TET3: variants seen among roughly 807,000 people sequenced by gnomAD.
TET3 encodes tet methylcytosine dioxygenase 3.
In TET3, 19 loss-of-function variants were observed where a neutral mutation model predicts 141.4. That is an observed-to-expected ratio of 0.13 (90% CI 0.09 to 0.20). The LOEUF (loss-of-function observed/expected upper bound fraction) is 0.20. Among genes scored for constraint, TET3 ranks in the 10% least tolerant of loss-of-function variants. The pLI, the probability that TET3 is intolerant of heterozygous loss-of-function variation, is 1.00. For missense variants in TET3, 1,874 were observed against 2,356.9 expected (o/e 0.80, Z 4.24); for synonymous variants, 1,043 against 980.9 (o/e 1.06, Z -1.18).
chr2:74,007,011 C>T (rs1287956131), intron 3 of TET3, among the ~76,000 whole-genome samples: 2 of 152,198 alleles, frequency 1.3e-5, no homozygotes, highest in Admixed American at 1.3e-4. Context: ...TGTCTTTCAA[C>T]ATCCACCAAG....
At chr2:74,048,529 G>T in intron 4 of TET3, 118 bp downstream of exon 4, 1 of 1,128,990 alleles carries the variant, frequency 8.9e-7, no homozygotes. Flanking sequence ...GCCACACTGG[G>T]TTCTGGGAAC....
chr2:74,034,517 G>T, intron 3 of TET3, among the ~76,000 whole-genome samples: 1 of 146,626 alleles, frequency 6.8e-6, no homozygotes, highest in Admixed American at 6.9e-5. Context: ...ATTTAATTTT[G>T]CTTGCTTGTT....
chr2:74,004,573 AAGG>A (rs1685053485), intron 3 of TET3, among the ~76,000 whole-genome samples: 2 of 152,104 alleles, frequency 1.3e-5, no homozygotes, highest in Admixed American at 6.5e-5. Context: ...AGCTTCTGGG[AAGG>A]AGAAGAGCCA....
intron 4 of TET3, among the ~76,000 whole-genome samples, chr2:74,064,384 C>G (rs548251985): frequency 6.6e-6 from 1 of 152,182 alleles, no homozygotes; most frequent in East Asian, 1.9e-4. Context: ...AACATGGAAA[C>G]TAAGCTTCTG....
intron 3 of TET3, among the ~76,000 whole-genome samples, chr2:74,011,846 T>C (rs1253395027): frequency 6.7e-6 from 1 of 150,204 alleles, no homozygotes; most frequent in Non-Finnish European, 1.5e-5. Flanking sequence ...GAGATCAGCC[T>C]AGGCAACATA....
intron 10 of TET3, among the ~76,000 whole-genome samples, chr2:74,095,588 T>C (rs1025798162): frequency 6.6e-6 from 1 of 152,264 alleles, no homozygotes; most frequent in African/African-American, 2.4e-5. Context: ...CAAATGTGTA[T>C]GTATGCACGA....
At chr2:74,016,476 C>G (rs1685733936) in intron 3 of TET3, among the ~76,000 whole-genome samples, 1 of 152,208 alleles carries the variant, frequency 6.6e-6, no homozygotes, top group Non-Finnish European at 1.5e-5. Context: ...AATACTAGCA[C>G]TTTGGGAAGC....
chr2:74,012,997 GTT>G (rs369187164), intron 3 of TET3, among the ~76,000 whole-genome samples: 140 of 135,046 alleles, frequency 1.0e-3, no homozygotes, highest in Non-Finnish European at 1.5e-3. Context: ...GTAATGGGGT[GTT>G]TTTTTTTTTT....
At chr2:74,125,523 G>C in the TET3 span, among the ~76,000 whole-genome samples, 7 of 152,128 alleles carry the variant, frequency 4.6e-5, no homozygotes, top group African/African-American at 1.7e-4. Context: ...ATTTACAACT[G>C]TGTCATTTGA....
Position 74,003,167 on chromosome 2 carries a change from G to T in TET3, c.360+1G>T. ...GTGGGGACAAGGAGCGGCTGTCAAG[G>T]TACCTTGTGTGTGTGCGTGCGTGTG... On this transcript the variant is annotated splice_donor_variant, in intron 3 of 11. Coordinates refer to ENST00000409262, the MANE Select transcript of TET3 (RefSeq NM_001287491.2). LOFTEE classifies it high-confidence loss of function. 1 of 1,549,218 alleles carries T rather than the reference G, an allele frequency of 6.5e-7. No individual in the cohort carries two copies. The highest frequency in any genetic ancestry group is 8.7e-7 in the Non-Finnish European group (1 of 1,146,528).
intron 4 of TET3, among the ~76,000 whole-genome samples, chr2:74,058,351 G>A (rs1206135096): frequency 1.3e-5 from 2 of 152,158 alleles, no homozygotes; most frequent in Non-Finnish European, 2.9e-5. Flanking sequence ...TGTTCTCGGC[G>A]AACAGTGTGG....
At chr2:74,088,953 T>C (rs926485222) in intron 7 of TET3, among the ~76,000 whole-genome samples, 79 of 151,998 alleles carry the variant, frequency 5.2e-4, no homozygotes, top group African/African-American at 1.9e-3. Flanking sequence ...TGGTGACACA[T>C]GCCTGTAATC....
At position 73,986,722 on chromosome 2, in the gene TET3, C is replaced by T. The variant is rs1684045562; in HGVS notation, c.303+16C>T. 5 of 1,231,808 alleles carry T rather than the reference C, an allele frequency of 4.1e-6. No homozygotes were observed. The highest frequency in any genetic ancestry group is 8.3e-5 in the South Asian group (2 of 24,210). 76.3% of individuals were successfully genotyped at this position (1,231,808 alleles called of 1,614,324 possible). A position where few individuals can be genotyped will look rare whatever the true frequency, so the allele number is the denominator to read the frequency against. On this transcript the variant is annotated intron_variant, in intron 2 of 11. Transcript: ENST00000409262. ...TCTCAAGGAGGTAAGCCGGCCCTTG[C>T]TGGGCTACCCTGTTCCTTCCTCGAG...
rs760542042 is a variant in TET3 at position 74,048,426 on chromosome 2, G to C, written c.2494+15G>C. On this transcript the variant is annotated intron_variant, in intron 4 of 11. Coordinates refer to ENST00000409262, the MANE Select transcript of TET3 (RefSeq NM_001287491.2). ...CGATTGCGTCGGTAAGTCCGCCTGG[G>C]TATCAGGGAAGGGCAGAGAAAGGGC... 5 of 1,592,358 alleles carry C rather than the reference G, an allele frequency of 3.1e-6. No individual in the cohort carries two copies. Among genetic ancestry groups the C allele is most frequent in the Admixed American group, 1.7e-5 (1 of 57,364 alleles).
At chr2:74,094,556 G>A (rs541254085) in intron 10 of TET3, among the ~76,000 whole-genome samples, 2 of 152,304 alleles carry the variant, frequency 1.3e-5, no homozygotes, top group South Asian at 2.1e-4. Context: ...TGAGGTGTGT[G>A]ATGGTGGGGG....
chr2:74,045,245 T>C (rs182101857), intron 3 of TET3, among the ~76,000 whole-genome samples: 7 of 152,370 alleles, frequency 4.6e-5, no homozygotes, highest in African/African-American at 1.4e-4. Flanking sequence ...GTTAAGGTGG[T>C]GTCTGTCTAC....
At chr2:74,019,115 G>T (rs1486580497) in intron 3 of TET3, among the ~76,000 whole-genome samples, 1 of 152,092 alleles carries the variant, frequency 6.6e-6, no homozygotes, top group Non-Finnish European at 1.5e-5. Context: ...AAACTAGCTG[G>T]GTGTGGTGGC....
Position 74,108,168 on chromosome 2 carries a change from G to A in TET3, c.*5992G>A, listed in dbSNP as rs1053752266. On this transcript the variant is annotated 3_prime_UTR_variant, in exon 12 of 12. Coordinates refer to ENST00000409262, the MANE Select transcript of TET3 (RefSeq NM_001287491.2). ...TTAATAAATTTTATATTTATTTTTT[G>A]CACTCAAATTCAGTGTGGGTTCTCT... 1 of 153,564 alleles carries A rather than the reference G, an allele frequency of 6.5e-6. No homozygotes were observed. The highest frequency in any genetic ancestry group is 1.5e-5 in the Non-Finnish European group (1 of 68,006). The allele number at this position is 153,564 out of a possible 1,614,324, so 9.5% of individuals were successfully genotyped here. A position where few individuals can be genotyped will look rare whatever the true frequency, so the allele number is the denominator to read the frequency against.
upstream of TET3, among the ~76,000 whole-genome samples, chr2:73,984,316 C>T (rs1683887331): frequency 6.6e-6 from 1 of 152,244 alleles, no homozygotes; most frequent in Non-Finnish European, 1.5e-5. The surrounding 1 kb of genome is among the most constrained non-coding windows in gnomAD (Gnocchi z 5.6). Context: ...GGGCATTCGG[C>T]CGTGACCCCT....
Sources: gnomAD v4.1 joint callset for allele counts (sites outside exome capture counted in the v4.1 genomes callset) on GRCh38, gnomAD v4.1.1 for gene constraint, Gnocchi (gnomAD v3.1) non-coding constraint, MANE v1.5 for transcripts, NCBI Gene and HGNC (gene_info 2026-07-23, HGNC 2026-07-21) for gene names.